Variants in XPA observed in about 807,000 individuals in gnomAD.
XPA encodes the protein DNA repair protein complementing XP-A cells.
A neutral mutation model predicts 35.7 loss-of-function variants in XPA; 27 were observed. That is an observed-to-expected ratio of 0.76 (90% CI 0.56 to 1.04). The LOEUF is 1.04. Ranked by LOEUF, XPA falls within the 50% of genes least tolerant of loss-of-function variation. XPA has a pLI of 0.00. For missense variants in XPA, 354 were observed against 342.7 expected (o/e 1.03, Z -0.26); for synonymous variants, 133 against 118.4 (o/e 1.12, Z -0.80).
chr9:97,669,038 A>T, the XPA span: 2 of 1,479,264 alleles, frequency 1.4e-6, no homozygotes, highest in Non-Finnish European at 1.8e-6. Flanking sequence ...TTTAGTTTTT[A>T]AAAATGTTAT....
At chr9:97,692,925 T>G (rs1269441903) in intron 2 of XPA, among the ~76,000 whole-genome samples, 1 of 152,110 alleles carries the variant, frequency 6.6e-6, no homozygotes, top group African/African-American at 2.4e-5. Context: ...AAACAAATAT[T>G]TTAATCCTTC....
At chr9:97,662,819 C>T in the XPA span, 1 of 637,874 alleles carries the variant, frequency 1.6e-6, no homozygotes, top group South Asian at 2.2e-5. Context: ...TTTTTGCATC[C>T]TTAATGGTTA....
chr9:97,656,783 C>T, the XPA span, among the ~76,000 whole-genome samples: 1 of 152,110 alleles, frequency 6.6e-6, no homozygotes, highest in African/African-American at 2.4e-5. Context: ...GGCCCATTAT[C>T]CTTTAATGTT....
intron 5 of XPA, among the ~76,000 whole-genome samples, chr9:97,676,272 T>C (rs1828363097): frequency 6.6e-6 from 1 of 152,252 alleles, no homozygotes; most frequent in Non-Finnish European, 1.5e-5. Flanking sequence ...ATAGTTTAAC[T>C]GTGAAGCCAG....
the XPA span, among the ~76,000 whole-genome samples, chr9:97,664,170 C>G: frequency 2.6e-5 from 4 of 151,996 alleles, no homozygotes; most frequent in African/African-American, 9.7e-5. Context: ...CAGAGCAACT[C>G]TGTCTCCCAA....
At chr9:97,668,751 C>A in the XPA span, 1 of 1,366,498 alleles carries the variant, frequency 7.3e-7, no homozygotes, top group South Asian at 1.4e-5. Flanking sequence ...TAAGTCTTAA[C>A]ATTTGGCCAG....
intron 5 of XPA, among the ~76,000 whole-genome samples, chr9:97,680,774 CAAGGT>C: frequency 6.6e-6 from 1 of 152,110 alleles, no homozygotes; most frequent in Non-Finnish European, 1.5e-5. Flanking sequence ...GTTTTAAAAA[CAAGGT>C]AAGGCTTTAG....
rs1484298645 is a variant in XPA, at chr9:97,674,937, C to G, written c.*502G>C. ...GACTCGTACAACTCAATGTTTATTT[C>G]TGCTATTAGGGCTTTTTCCAGCAGT... On this transcript the variant is annotated 3_prime_UTR_variant, in exon 6 of 6. Coordinates refer to ENST00000375128, the MANE Select transcript of XPA (RefSeq NM_000380.4). 8 of 514,864 alleles carry G rather than the reference C, an allele frequency of 1.6e-5. No individual in the cohort carries two copies. Among genetic ancestry groups the G allele is most frequent in the Non-Finnish European group, 3.0e-5 (8 of 263,972 alleles). The allele number at this position is 514,864 out of a possible 1,614,324, so 31.9% of individuals were successfully genotyped here. A position where few individuals can be genotyped will look rare whatever the true frequency, so the allele number is the denominator to read the frequency against.
the XPA span, chr9:97,669,479 C>T: frequency 1.5e-6 from 1 of 675,766 alleles, no homozygotes; most frequent in Admixed American, 2.6e-5. Flanking sequence ...TAGGCACACA[C>T]ACCACAAAGA....
chr9:97,680,534 T>C (rs887984422), intron 5 of XPA, among the ~76,000 whole-genome samples: 12 of 152,188 alleles, frequency 7.9e-5, no homozygotes, highest in African/African-American at 2.2e-4. Context: ...TCGAATGCCA[T>C]TGTTCTGAGG....
At chr9:97,683,507 A>G (rs1007189984) in intron 5 of XPA, among the ~76,000 whole-genome samples, 1 of 152,186 alleles carries the variant, frequency 6.6e-6, no homozygotes, top group African/African-American at 2.4e-5. Flanking sequence ...CTAAGTAACT[A>G]TATAAAAAGA....
At chr9:97,654,853 A>G in the XPA span, 3 of 1,606,962 alleles carry the variant, frequency 1.9e-6, no homozygotes, top group Non-Finnish European at 2.6e-6. Context: ...AAAGTGGAGA[A>G]TAGTTTTCCT....
chr9:97,663,671 G>T, the XPA span, among the ~76,000 whole-genome samples: 1 of 151,744 alleles, frequency 6.6e-6, no homozygotes, highest in African/African-American at 2.4e-5. Flanking sequence ...TTTTAGTAGA[G>T]ATGGGGTTTC....
chr9:97,661,512 T>G, the XPA span, among the ~76,000 whole-genome samples: 1 of 152,136 alleles, frequency 6.6e-6, no homozygotes, highest in Non-Finnish European at 1.5e-5. Context: ...CAAAATAATT[T>G]ATACAGTTGC....
the XPA span, chr9:97,668,830 C>G: frequency 3.5e-5 from 56 of 1,605,820 alleles, no homozygotes; most frequent in African/African-American, 3.8e-4. Context: ...TCCTTTTGTT[C>G]ATTTGCCTTC....
chr9:97,691,264 A>T (rs907020185), intron 2 of XPA, among the ~76,000 whole-genome samples: 18 of 152,214 alleles, frequency 1.2e-4, no homozygotes, highest in African/African-American at 4.3e-4. Flanking sequence ...CTTTAAGGGG[A>T]GAGGCTGTAT....
At chr9:97,688,910 G>A (rs984785781) in intron 3 of XPA, among the ~76,000 whole-genome samples, 1 of 152,154 alleles carries the variant, frequency 6.6e-6, no homozygotes, top group African/African-American at 2.4e-5. Flanking sequence ...AAGATTCCAA[G>A]ATAAGACCTT....
At chr9:97,662,056 T>C in the XPA span, 2 of 1,613,092 alleles carry the variant, frequency 1.2e-6, no homozygotes, top group Non-Finnish European at 1.7e-6. Flanking sequence ...AGGATTCAGT[T>C]TTAACCCATT....
chr9:97,676,769 T>C (rs1828379319), intron 5 of XPA, among the ~76,000 whole-genome samples: 2 of 152,230 alleles, frequency 1.3e-5, no homozygotes. Flanking sequence ...GGTTATATAG[T>C]TGATGGATAC....
Sources: gnomAD v4.1 joint callset for allele counts (sites outside exome capture counted in the v4.1 genomes callset) on GRCh38, gnomAD v4.1.1 for gene constraint, MANE v1.5 for transcripts, NCBI Gene and HGNC (gene_info 2026-07-23, HGNC 2026-07-21) for gene names.